REDIC1: variants seen among roughly 807,000 people sequenced by gnomAD.
REDIC1 encodes the protein HEI10 Interacting Protein 1.
chr12:39,767,372 A>G, the REDIC1 span, among the ~76,000 whole-genome samples: 1 of 151,538 alleles, frequency 6.6e-6, no homozygotes, highest in Non-Finnish European at 1.5e-5. Flanking sequence ...TGCTGTAAAT[A>G]TAAGTGCTGT....
At chr12:39,651,054 G>A in the REDIC1 span, among the ~76,000 whole-genome samples, 1 of 152,080 alleles carries the variant, frequency 6.6e-6, no homozygotes, top group African/African-American at 2.4e-5. Context: ...ACCCCCAGTG[G>A]AATCCTGAAA....
At chr12:39,895,157 C>T in the REDIC1 span, among the ~76,000 whole-genome samples, 11 of 152,172 alleles carry the variant, frequency 7.2e-5, no homozygotes, top group East Asian at 2.1e-3. Context: ...GTGCATATCA[C>T]TGTGCCCAGC....
the REDIC1 span, among the ~76,000 whole-genome samples, chr12:39,633,687 T>TA: frequency 1.3e-5 from 2 of 152,210 alleles, no homozygotes; most frequent in Admixed American, 1.3e-4. Context: ...GCTACCATGT[T>TA]ACGACAACTA....
At chr12:39,772,483 GC>G in the REDIC1 span, among the ~76,000 whole-genome samples, 1 of 151,898 alleles carries the variant, frequency 6.6e-6, no homozygotes, top group African/African-American at 2.4e-5. Flanking sequence ...GAATGATGAA[GC>G]TTTTACATTT....
At chr12:39,731,104 T>C in the REDIC1 span, among the ~76,000 whole-genome samples, 1 of 152,138 alleles carries the variant, frequency 6.6e-6, no homozygotes. Context: ...AGAACACGCG[T>C]CTTTAGCTCG....
At chr12:39,851,680 C>G in the REDIC1 span, among the ~76,000 whole-genome samples, 6 of 152,184 alleles carry the variant, frequency 3.9e-5, no homozygotes, top group South Asian at 1.2e-3. Flanking sequence ...CTAGATACAT[C>G]AAGAGAAAAG....
At chr12:39,741,748 G>C in the REDIC1 span, among the ~76,000 whole-genome samples, 1 of 152,306 alleles carries the variant, frequency 6.6e-6, no homozygotes, top group Middle Eastern at 3.4e-3. Flanking sequence ...GGGGCTTATA[G>C]GTTATAGGCA....
chr12:39,791,175 C>G, the REDIC1 span, among the ~76,000 whole-genome samples: 2 of 151,760 alleles, frequency 1.3e-5, no homozygotes, highest in Non-Finnish European at 2.9e-5. Context: ...ATTCAACAAC[C>G]CTTCATGCTA....
the REDIC1 span, among the ~76,000 whole-genome samples, chr12:39,742,593 T>C: frequency 6.6e-6 from 1 of 152,168 alleles, no homozygotes; most frequent in African/African-American, 2.4e-5. Context: ...GCCTTCAGTG[T>C]CTTCTAGTCA....
At chr12:39,629,933 A>G in the REDIC1 span, among the ~76,000 whole-genome samples, 2 of 151,870 alleles carry the variant, frequency 1.3e-5, no homozygotes, top group South Asian at 2.1e-4. Context: ...TCTATTTTTA[A>G]TCCTTTTTTG....
At chr12:39,828,728 A>G in the REDIC1 span, among the ~76,000 whole-genome samples, 3 of 147,272 alleles carry the variant, frequency 2.0e-5, no homozygotes, top group East Asian at 2.0e-4. Context: ...TTTTTTTCCT[A>G]TTGGCAAAAA....
the REDIC1 span, among the ~76,000 whole-genome samples, chr12:39,889,384 T>C: frequency 1.3e-5 from 2 of 152,076 alleles, no homozygotes; most frequent in African/African-American, 2.4e-5. Context: ...TTAAGATATA[T>C]TAGTATAAAT....
At chr12:39,777,862 G>C in the REDIC1 span, among the ~76,000 whole-genome samples, 3 of 152,212 alleles carry the variant, frequency 2.0e-5, no homozygotes, top group African/African-American at 4.8e-5. Context: ...GTCCACGTGT[G>C]ATCTGATTCT....
chr12:39,869,648 G>A, the REDIC1 span, among the ~76,000 whole-genome samples: 151 of 152,222 alleles, frequency 9.9e-4, 2 homozygotes, highest in African/African-American at 3.3e-3. Context: ...GGTGTTTCCC[G>A]AGGAATTGTC....
At chr12:39,805,037 T>TGGAGGGAGAAGCCTGCC in the REDIC1 span, among the ~76,000 whole-genome samples, 1 of 151,968 alleles carries the variant, frequency 6.6e-6, no homozygotes, top group Admixed American at 6.5e-5. Context: ...AGAAGCCTGC[T>TGGAGGGAGAAGCCTGCC]GGAGGGAGAA....
At chr12:39,905,285 C>T in the REDIC1 span, among the ~76,000 whole-genome samples, 1 of 152,134 alleles carries the variant, frequency 6.6e-6, no homozygotes. Flanking sequence ...TGTCTTGCTG[C>T]TCTGGCTGCT....
chr12:39,714,558 C>A, the REDIC1 span, among the ~76,000 whole-genome samples: 2 of 151,406 alleles, frequency 1.3e-5, no homozygotes, highest in Non-Finnish European at 3.0e-5. Flanking sequence ...ATATTGATTT[C>A]TTTTCCTCTG....
At chr12:39,762,491 C>G in the REDIC1 span, among the ~76,000 whole-genome samples, 1 of 150,354 alleles carries the variant, frequency 6.7e-6, no homozygotes, top group Non-Finnish European at 1.5e-5. Flanking sequence ...TATAAAATGG[C>G]ATATTGGTGA....
chr12:39,782,118 A>G, the REDIC1 span, among the ~76,000 whole-genome samples: 2 of 152,146 alleles, frequency 1.3e-5, no homozygotes, highest in Admixed American at 6.5e-5. Flanking sequence ...TAAAGACAAA[A>G]ATCTTAGGGG....
Sources: gnomAD v4.1 joint callset for allele counts (sites outside exome capture counted in the v4.1 genomes callset) on GRCh38, gnomAD v4.1.1 for gene constraint, MANE v1.5 for transcripts, NCBI Gene and HGNC (gene_info 2026-07-23, HGNC 2026-07-21) for gene names.